The following DNHD1 variants were observed in gnomAD, a reference collection of about 807,000 sequenced individuals.
DNHD1 encodes the protein dynein heavy chain domain-containing protein 1.
Under a neutral mutation model 458.1 loss-of-function variants are expected in DNHD1, and 383 were observed. The observed-to-expected ratio is 0.84, with a 90% CI of 0.77 to 0.91. DNHD1 has a LOEUF of 0.91. Ranked by LOEUF, DNHD1 falls within the 40% of genes least tolerant of loss-of-function variation. DNHD1 has a pLI of 0.00. For missense variants in DNHD1, 5,336 were observed against 5,866.1 expected (o/e 0.91, Z 2.95); for synonymous variants, 2,203 against 2,376.9 (o/e 0.93, Z 2.13).
chr11:6,562,752 C>T (rs1230870130), intron 28 of DNHD1, among the ~76,000 whole-genome samples: 3 of 152,070 alleles, frequency 2.0e-5, no homozygotes, highest in South Asian at 2.1e-4. Flanking sequence ...TCGGGTGAAG[C>T]GGCTGCAGAA....
intron 4 of DNHD1, 176 bp downstream of exon 4, chr11:6,503,102 A>G (rs766951775): frequency 2.2e-4 from 130 of 592,238 alleles, no homozygotes; most frequent in Middle Eastern, 8.4e-4. Flanking sequence ...CCTCCTTTCC[A>G]CTCTCTACCT....
Position 6,568,041 on chromosome 11 carries a change from T to C in DNHD1, c.12352-15T>C, listed in dbSNP as rs75940714. The C allele has an allele frequency of 3.2e-6, 5 of 1,549,170 alleles. No individual in the cohort carries two copies. The African/African-American group carries it at 4.1e-5, about 13-fold the overall frequency. The stretch of plus-strand genomic sequence containing the variant: ...TCACTTTGAGTCATGCTGCCATCTC[T>C]TTTTTGGTCCCCAGGGGCAGAAGCA... On this transcript the variant is annotated splice_polypyrimidine_tract_variant and intron_variant, in intron 36 of 42. Coordinates refer to ENST00000254579, the MANE Select transcript of DNHD1 (RefSeq NM_144666.3).
In DNHD1 at chr11:6,531,029, A is replaced by G. The variant is rs554651413; in HGVS notation, c.2347+1908A>G. Among the ~76,000 whole-genome samples the G allele has an allele frequency of 3.9e-5, 6 of 152,346 alleles. No individual in the cohort carries two copies. The South Asian group carries it at 1.2e-3, about 32-fold the overall frequency. ...TTATTTGTAAGCTGGGCATGATAAC[A>G]CAGTCACTCACAGGGTTATAGTAAG... On this transcript the variant is annotated intron_variant, in intron 12 of 42. Transcript: ENST00000254579.
intron 7 of DNHD1, among the ~76,000 whole-genome samples, chr11:6,512,554 C>G (rs1852367853): frequency 6.6e-6 from 1 of 152,044 alleles, no homozygotes; most frequent in African/African-American, 2.4e-5. Context: ...TAGGAGGAAC[C>G]AATAACTTCT....
intron 19 of DNHD1, 120 bp from the exon 20 acceptor site, chr11:6,544,454 T>C: frequency 9.8e-7 from 1 of 1,021,394 alleles, no homozygotes; most frequent in Non-Finnish European, 1.4e-6. Flanking sequence ...TGAGTCCTGC[T>C]GGGCAGAGTA....
At chr11:6,515,954 G>A (rs1032817950) in intron 7 of DNHD1, among the ~76,000 whole-genome samples, 1 of 151,600 alleles carries the variant, frequency 6.6e-6, no homozygotes, top group African/African-American at 2.4e-5. Flanking sequence ...CCTGGCTAAT[G>A]TTTGTATTTC....
intron 4 of DNHD1, among the ~76,000 whole-genome samples, chr11:6,507,552 G>T (rs1467706734): frequency 6.6e-6 from 1 of 151,954 alleles, no homozygotes. Context: ...TACTCCAAAG[G>T]AGTAGTGGCC....
chr11:6,556,355 G>A (rs1853460171), intron 24 of DNHD1, among the ~76,000 whole-genome samples: 1 of 152,086 alleles, frequency 6.6e-6, no homozygotes, highest in South Asian at 2.1e-4. Context: ...CCTGCTAATT[G>A]TGATCGATCT....
intron 36 of DNHD1, 84 bp from the exon 37 acceptor site, chr11:6,567,972 G>A: frequency 6.8e-7 from 1 of 1,480,838 alleles, no homozygotes. Flanking sequence ...GGGACTTTGG[G>A]GATCATGGTA....
chr11:6,539,783 A>C (rs1052217096), intron 17 of DNHD1, 93 bp from the exon 18 acceptor site: 1 of 1,193,588 alleles, frequency 8.4e-7, no homozygotes, highest in Non-Finnish European at 1.2e-6. Context: ...CTGGCCCTTG[A>C]GTTCTGCCTC....
chr11:6,518,263 T>C (rs559509751), intron 7 of DNHD1, among the ~76,000 whole-genome samples: 139 of 152,288 alleles, frequency 9.1e-4, no homozygotes, highest in Admixed American at 1.8e-3. Context: ...GGTTTCACCA[T>C]GTTGCCCAGG....
At chr11:6,526,295 A>C (rs1469335077) in intron 10 of DNHD1, among the ~76,000 whole-genome samples, 3 of 151,802 alleles carry the variant, frequency 2.0e-5, no homozygotes, top group African/African-American at 7.3e-5. Context: ...TCTGTCACAT[A>C]ATTTCTGAGT....
rs760908845 is a variant in DNHD1, at chr11:6,570,261, G to A, written c.12970G>A (p.Gly4324Arg). The part of the protein sequence containing the change: ...MQELAASVFY[G>R]GPLGDTEDRE... ...CTCATCTTCAGCTTCAGTTTTCTAC[G>A]GGGGTCCTCTGGGGGACACTGAGGA... is the stretch of plus-strand genomic sequence containing the variant. Residue 4324 changes from glycine (G) to arginine (R), a missense_variant, in exon 41 of 43, where the codon GGG (glycine) becomes AGG (arginine). By Grantham distance (125) the Gly-to-Arg change is moderately radical (BLOSUM62 -2). This residue lies in a region of DNHD1 where 698 missense variants were observed against 664.9 expected (regional missense o/e 1.05). Coordinates refer to ENST00000254579, the MANE Select transcript of DNHD1 (RefSeq NM_144666.3). 10 of 1,613,538 alleles carry A rather than the reference G, an allele frequency of 6.2e-6. No individual in the cohort carries two copies. The highest frequency in any genetic ancestry group is 1.3e-5 in the African/African-American group (1 of 74,858).
In DNHD1 at chr11:6,538,698, C is replaced by G; in HGVS notation, c.3213C>G (p.Pro1071=). Reference sequence around the variant, plus strand: ...GCACAACCCTGGAGCTGCACAGCCCCGTGCTGCAGCACTGCATGCGCATCC... The same window carrying G: ...GCACAACCCTGGAGCTGCACAGCCCGGTGCTGCAGCACTGCATGCGCATCC... ...RMSTTLELHS[P]VLQHCMRILG... Residue 1071 remains proline (P), a synonymous_variant, in exon 16 of 43, where the codon CCC becomes CCG. Coordinates refer to ENST00000254579, the MANE Select transcript of DNHD1 (RefSeq NM_144666.3). 1.0e-5 allele frequency: 16 copies of G among 1,550,098 alleles called. No individual in the cohort carries two copies. Among genetic ancestry groups the G allele is most frequent in the Non-Finnish European group, 1.2e-5 (14 of 1,145,980 alleles).
At position 6,557,056 on chromosome 11, in the gene DNHD1, C is replaced by T. The variant is rs1263729407; in HGVS notation, c.7761C>T (p.Tyr2587=). Residue 2587 remains tyrosine, a synonymous_variant, in exon 25 of 43, where the codon TAC becomes TAT. Coordinates refer to ENST00000254579, the MANE Select transcript of DNHD1 (RefSeq NM_144666.3). ...TGCCTTCACCCCTCCACCCACACTA[C>T]CACTTCTCCCTACACTCTGTGAGCC... ...CFMPSPLHPH[Y]HFSLHSVSHL... 1.9e-6 allele frequency: 3 copies of T among 1,551,632 alleles called. No homozygotes were observed. Among genetic ancestry groups the T allele is most frequent in the Non-Finnish European group, 2.6e-6 (3 of 1,147,012 alleles).
chr11:6,501,803 A>G (rs1852142179), intron 3 of DNHD1, among the ~76,000 whole-genome samples: 1 of 152,226 alleles, frequency 6.6e-6, no homozygotes, highest in South Asian at 2.1e-4. Context: ...AATATACTAT[A>G]TAATATAGGA....
intron 3 of DNHD1, 90 bp downstream of exon 3, chr11:6,499,051 CAGCTCTCTGTTTATCACAGGGATT>C (rs1242992436): frequency 1.2e-5 from 17 of 1,415,444 alleles, no homozygotes; most frequent in Non-Finnish European, 1.6e-5. Flanking sequence ...AGTTTAGATC[CAGCTCTCTGTTTATCACAGGGATT>C]AGCCCAACTC....
rs1853497993 is a variant in DNHD1 at position 6,557,701 on chromosome 11, CTTG to C, written c.8412_8414del (p.Leu2805del). 6.4e-7 allele frequency: 1 copy of C among 1,551,734 alleles called. No individual in the cohort carries two copies. Among genetic ancestry groups the C allele is most frequent in the East Asian group, 2.4e-5 (1 of 40,926 alleles). ...AACCCCAGATGGACCTGATCTCACCCTTGTTGTTACCAGTGTTACTACTACATC... is the reference window on the plus strand; with the variant it reads ...AACCCCAGATGGACCTGATCTCACCCTTGTTACCAGTGTTACTACTACATC... On this transcript the variant is annotated inframe_deletion, in exon 25 of 43. Coordinates refer to ENST00000254579, the MANE Select transcript of DNHD1 (RefSeq NM_144666.3).
Position 6,547,352 on chromosome 11 carries a change from T to C in DNHD1, c.6413T>C (p.Val2138Ala), listed in dbSNP as rs1273800829. 3.9e-6 allele frequency: 6 copies of C among 1,551,610 alleles called. No homozygotes were observed. In the Admixed American group the frequency reaches 7.8e-5, roughly 20 times the overall value. The stretch of plus-strand genomic sequence containing the variant: ...GACACAACAGGCATATCCCCCACAG[T>C]GGTAGGCTGTTGTGCCCTAGTCTGG... ...VADTTGISPT[V>A]VGCCALVWCG... The change falls in exon 21 of 43, where the codon GTG becomes GCG. Residue 2138 changes from valine (V) to alanine (A), a missense_variant. Physicochemically the swap from Val to Ala is moderately conservative, Grantham distance 64. Coordinates refer to ENST00000254579, the MANE Select transcript of DNHD1 (RefSeq NM_144666.3).
Sources: allele counts gnomAD v4.1 joint callset (sites outside exome capture counted in the v4.1 genomes callset), GRCh38; gene constraint gnomAD v4.1.1; regional missense constraint gnomAD v4.1.1; transcripts MANE v1.5; gene names NCBI Gene and HGNC (gene_info 2026-07-23, HGNC 2026-07-21).